AEBP2: variants seen among roughly 807,000 people sequenced by gnomAD.
AEBP2 encodes zinc finger protein AEBP2.
Under a neutral mutation model 50.8 loss-of-function variants are expected in AEBP2, and 10 were observed. That is an observed-to-expected ratio of 0.20 (90% confidence interval 0.12 to 0.33). The LOEUF is 0.33. Among genes scored for constraint, AEBP2 ranks in the 10% least tolerant of loss-of-function variants. The pLI is 1.00. For missense variants in AEBP2, 570 were observed against 688.0 expected (o/e 0.83, Z 1.92); for synonymous variants, 296 against 261.3 (o/e 1.13, Z -1.28).
In AEBP2 at chr12:19,521,434, A is replaced by G. The variant is rs1260947362; in HGVS notation, c.*3317A>G. On this transcript the variant is annotated 3_prime_UTR_variant, in exon 8 of 8. Coordinates refer to ENST00000266508, the MANE Select transcript of AEBP2 (RefSeq NM_153207.5). ...TTTATTTTGCTAAGAACTAAATAAG[A>G]TTTTGTACATCAGATTGTGTTTGAA... The G allele has an allele frequency of 3.9e-5, 6 of 152,176 alleles. No homozygotes were observed. The highest frequency in any genetic ancestry group is 8.8e-5 in the Non-Finnish European group (6 of 68,012). 9.4% of individuals were successfully genotyped at this position (152,176 alleles called of 1,614,324 possible). A position where few individuals can be genotyped will look rare whatever the true frequency, so the allele number is the denominator to read the frequency against.
In AEBP2 at chr12:19,440,345, C is replaced by G; in HGVS notation, c.646C>G (p.Leu216Val). 2.0e-6 allele frequency: 3 copies of G among 1,470,964 alleles called. No homozygotes were observed. The highest frequency in any genetic ancestry group is 1.8e-6 in the Non-Finnish European group (2 of 1,118,814). 91.1% of individuals were successfully genotyped at this position (1,470,964 alleles called of 1,614,324 possible). The change falls in exon 1 of 8, where the codon CTG (leucine) becomes GTG (valine). Residue 216 changes from leucine to valine, a missense_variant. By Grantham distance (32) the Leu-to-Val change is conservative. Around this residue, in one of 2 missense-constraint regions of AEBP2, gnomAD observed 386 missense variants for 336.8 expected, o/e 1.15. Transcript: ENST00000266508. Reference protein sequence around the residue: ...SLEMSSDGEPLSRMDSEDSIS... With the variant: ...SLEMSSDGEPVSRMDSEDSIS... ...GGAGATGTCGTCGGATGGGGAACCC[C>G]TGAGCCGCATGGACTCGGAGGACAG...
chr12:19,439,460 T>C (rs1281567589), upstream of AEBP2, among the ~76,000 whole-genome samples: 1 of 149,340 alleles, frequency 6.7e-6, no homozygotes, highest in Admixed American at 6.7e-5. Context: ...CCGGGGGAGG[T>C]GCTGCCTCGT....
upstream of AEBP2, among the ~76,000 whole-genome samples, chr12:19,437,954 TG>T (rs1266150426): frequency 6.6e-6 from 1 of 152,216 alleles, no homozygotes; most frequent in Non-Finnish European, 1.5e-5. Flanking sequence ...TCATTTTCCT[TG>T]AGTAGAAGCA....
At chr12:19,492,346 C>T (rs574452638) in intron 3 of AEBP2, among the ~76,000 whole-genome samples, 40 of 152,238 alleles carry the variant, frequency 2.6e-4, no homozygotes, top group Middle Eastern at 3.4e-3. Flanking sequence ...TATATTAATT[C>T]TGGTGCTACC....
chr12:19,506,577 C>A (rs1949158407), intron 5 of AEBP2, among the ~76,000 whole-genome samples: 1 of 152,208 alleles, frequency 6.6e-6, no homozygotes, highest in Non-Finnish European at 1.5e-5. Context: ...CTGAAGTTTT[C>A]TGGTGTAGCT....
chr12:19,518,747 C>G lies in AEBP2; in HGVS notation c.*630C>G. On this transcript the variant is annotated 3_prime_UTR_variant, in exon 8 of 8. Transcript: ENST00000266508. ...CGACGTTTGCAATCAACTAAAAATT[C>G]GTCTATCGAATTAGGGCTGAAAATT... 1 of 1,479,034 alleles carries G rather than the reference C, an allele frequency of 6.8e-7. No homozygotes were observed. The highest frequency in any genetic ancestry group is 9.1e-7 in the Non-Finnish European group (1 of 1,094,816). The allele number at this position is 1,479,034 out of a possible 1,614,324, so 91.6% of individuals were successfully genotyped here.
intron 1 of AEBP2, among the ~76,000 whole-genome samples, chr12:19,417,690 G>T (rs1277774635): frequency 6.7e-6 from 1 of 149,504 alleles, no homozygotes; most frequent in African/African-American, 2.5e-5. Context: ...TAACAGGTGT[G>T]AGCCACTGAG....
chr12:19,437,256 G>C (rs909541947), upstream of AEBP2, among the ~76,000 whole-genome samples: 1 of 152,138 alleles, frequency 6.6e-6, no homozygotes. Context: ...CCACTCTGTT[G>C]AATCTAGGCA....
intron 1 of AEBP2, among the ~76,000 whole-genome samples, chr12:19,421,295 G>C (rs1434579520): frequency 7.7e-6 from 1 of 130,286 alleles, no homozygotes; most frequent in African/African-American, 2.9e-5. Flanking sequence ...AGTGAGCTAA[G>C]ATTGCACTAC....
chr12:19,433,849 ATTTG>A (rs1243887746), intron 1 of AEBP2, among the ~76,000 whole-genome samples: 9 of 151,198 alleles, frequency 6.0e-5, no homozygotes, highest in Non-Finnish European at 8.8e-5. Flanking sequence ...TTATTTATTT[ATTTG>A]TTTGTTTATT....
intron 5 of AEBP2, among the ~76,000 whole-genome samples, chr12:19,501,579 G>A (rs1279489097): frequency 6.6e-6 from 1 of 152,016 alleles, no homozygotes; most frequent in African/African-American, 2.4e-5. Context: ...CAAGGGTGCA[G>A]TGAGCTGTGA....
At position 19,508,898 on chromosome 12, in the gene AEBP2, C is replaced by T. The variant is rs186812060; in HGVS notation, c.1300-3500C>T. ...TCTTCCGGAACGTTGTCTGCAGGCA[C>T]TCAGAATGGTCCAGCATTTGACATA... On this transcript the variant is annotated intron_variant, in intron 5 of 7. Transcript: ENST00000266508. The T allele has an allele frequency of 2.0e-5, 6 of 294,034 alleles. No individual in the cohort carries two copies. In the East Asian group the frequency reaches 4.3e-4, roughly 21 times the overall value. The allele number at this position is 294,034 out of a possible 1,614,324, so 18.2% of individuals were successfully genotyped here.
intron 1 of AEBP2, among the ~76,000 whole-genome samples, chr12:19,411,382 G>A (rs374720154): frequency 2.0e-5 from 3 of 152,152 alleles, no homozygotes; most frequent in Admixed American, 6.6e-5. Flanking sequence ...ACCACATCCC[G>A]TGCCCTGATG....
chr12:19,447,750 G>A (rs897743417), intron 1 of AEBP2, among the ~76,000 whole-genome samples: 3 of 152,204 alleles, frequency 2.0e-5, no homozygotes, highest in African/African-American at 7.2e-5. Context: ...CTGAGGATAA[G>A]CGATCAGTAT....
At chr12:19,457,073 C>A (rs540450924) in intron 1 of AEBP2, 1 of 1,606,322 alleles carries the variant, frequency 6.2e-7, no homozygotes. Context: ...ACAAATGCTT[C>A]TGTGTCGGGG....
Position 19,440,201 on chromosome 12 carries a change from C to A in AEBP2, c.502C>A (p.Gln168Lys). 1 of 1,422,480 alleles carries A rather than the reference C, an allele frequency of 7.0e-7. No homozygotes were observed. Among genetic ancestry groups the A allele is most frequent in the African/African-American group, 1.5e-5 (1 of 65,208 alleles). The allele number at this position is 1,422,480 out of a possible 1,614,324, so 88.1% of individuals were successfully genotyped here. The change falls in exon 1 of 8, where the codon CAG (glutamine) becomes AAG (lysine). Residue 168 changes from glutamine to lysine, a missense_variant. Transcript: ENST00000266508. ...LEEPKGPRGS[Q>K]GGGGGGSSSS... The stretch of plus-strand genomic sequence containing the variant: ...GGAGCCCAAGGGACCGCGGGGCAGC[C>A]AGGGCGGCGGCGGGGGCGGCAGCAG...
rs575531143 is a variant in AEBP2 at position 19,445,461 on chromosome 12, G to C, written c.671+5091G>C. Among the ~76,000 whole-genome samples, 20 of 150,332 alleles carry C rather than the reference G, an allele frequency of 1.3e-4. No homozygotes were observed. In the East Asian group the frequency reaches 3.9e-3, roughly 30 times the overall value. ...ACTCTTGACCTCAAATGATCCGCTT[G>C]CCTCGGCCTCCCAAAGTGCCGGGAT... On this transcript the variant is annotated intron_variant, in intron 1 of 7. Transcript: ENST00000266508.
At chr12:19,430,956 G>A (rs2095751104) in intron 1 of AEBP2, among the ~76,000 whole-genome samples, 1 of 150,140 alleles carries the variant, frequency 6.7e-6, no homozygotes, top group African/African-American at 2.5e-5. Context: ...CCCAGAGGTT[G>A]AGGTTGCAGT....
chr12:19,461,676 A>C (rs1031866480), intron 1 of AEBP2, among the ~76,000 whole-genome samples: 3 of 151,864 alleles, frequency 2.0e-5, no homozygotes, highest in African/African-American at 4.8e-5. Context: ...CACCCGGATA[A>C]TTTTTTGTAT....
Sources: gnomAD v4.1 joint callset for allele counts (sites outside exome capture counted in the v4.1 genomes callset) on GRCh38, gnomAD v4.1.1 for gene constraint, gnomAD v4.1.1 regional missense constraint, MANE v1.5 for transcripts, NCBI Gene and HGNC (gene_info 2026-07-23, HGNC 2026-07-21) for gene names.